FHIT: variants seen among roughly 807,000 people sequenced by gnomAD.
The protein encoded by FHIT is fragile histidine triad diadenosine triphosphatase, also known as bis(5'-adenosyl)-triphosphatase.
A neutral mutation model predicts 17.9 loss-of-function variants in FHIT; 19 were observed. The observed-to-expected ratio is 1.06, with a 90% CI of 0.74 to 1.56. The LOEUF (loss-of-function observed/expected upper bound fraction) is 1.56, where lower values mean the gene tolerates loss of function less well. Among genes scored for constraint, FHIT ranks in the 40% most tolerant of loss-of-function variants. The pLI is 0.00. For synonymous variants in FHIT, 81 were observed against 69.7 expected, an observed-to-expected ratio of 1.16 and a Z score of -0.81; for missense variants, 248 against 189.2, an observed-to-expected ratio of 1.31 and a Z score of -1.82.
rs1708921313 is a variant in FHIT at position 59,986,522 on chromosome 3, TATATATATATATATATATACACACAC to T, written c.279+24823_279+24848del. Among the ~76,000 whole-genome samples the T allele has an allele frequency of 7.4e-4, 4 of 5,388 alleles. 1 individual carries two copies. Among genetic ancestry groups the T allele is most frequent in the African/African-American group, 1.9e-3 (3 of 1,568 alleles). 3.5% of individuals were successfully genotyped at this position (5,388 alleles called of 152,430 possible). On this transcript the variant is annotated intron_variant, in intron 7 of 9. Transcript: ENST00000492590. ...AAATATATATATATATATATATATATATATATATATATATATATACACACACACACACACACACACACACACATATA... is the reference window on the plus strand; with the variant it reads ...AAATATATATATATATATATATATATACACACACACACACACACACATATA...
chr3:60,871,110 T>A (rs1351300085), intron 3 of FHIT, among the ~76,000 whole-genome samples: 2 of 152,194 alleles, frequency 1.3e-5, no homozygotes, highest in African/African-American at 2.4e-5. Flanking sequence ...TGCCTTTCTG[T>A]CCTTATCCAT....
intron 5 of FHIT, among the ~76,000 whole-genome samples, chr3:60,160,268 T>C (rs1353818460): frequency 6.6e-6 from 1 of 152,070 alleles, no homozygotes; most frequent in African/African-American, 2.4e-5. Context: ...GATTCCGAAG[T>C]GATGATGACA....
At chr3:60,743,499 G>A (rs77477030) in intron 4 of FHIT, among the ~76,000 whole-genome samples, 8,596 of 152,248 alleles carry the variant, frequency 0.056, 306 homozygotes, top group Non-Finnish European at 0.088. Flanking sequence ...AATGTGTTTT[G>A]TTTGGCCTGC....
intron 2 of FHIT, among the ~76,000 whole-genome samples, chr3:61,169,937 T>C (rs2037954280): frequency 6.6e-6 from 1 of 152,150 alleles, no homozygotes; most frequent in Non-Finnish European, 1.5e-5. Context: ...ACAGGATTCT[T>C]GCTAAAGGCA....
intron 5 of FHIT, among the ~76,000 whole-genome samples, chr3:60,149,892 G>C (rs1440793511): frequency 6.8e-6 from 1 of 146,782 alleles, no homozygotes; most frequent in Non-Finnish European, 1.5e-5. Context: ...TGAAAGAGTT[G>C]TAATGTCTAC....
chr3:60,491,471 C>A (rs1040597369), intron 5 of FHIT, among the ~76,000 whole-genome samples: 1 of 151,822 alleles, frequency 6.6e-6, no homozygotes, highest in Non-Finnish European at 1.5e-5. Context: ...TAGAAACAGT[C>A]CATCAGAATT....
At chr3:60,288,234 G>C (rs1056731862) in intron 5 of FHIT, among the ~76,000 whole-genome samples, 7 of 152,132 alleles carry the variant, frequency 4.6e-5, no homozygotes, top group African/African-American at 1.7e-4. Context: ...CCCAAAATGA[G>C]TAAGATTTTA....
chr3:59,849,655 A>T (rs1701857573), intron 8 of FHIT, among the ~76,000 whole-genome samples: 1 of 152,176 alleles, frequency 6.6e-6, no homozygotes, highest in Non-Finnish European at 1.5e-5. Flanking sequence ...GAAGAGATGA[A>T]ACAAGAGACA....
At chr3:60,360,788 T>C (rs375350764) in intron 5 of FHIT, among the ~76,000 whole-genome samples, 9 of 152,294 alleles carry the variant, frequency 5.9e-5, no homozygotes, top group African/African-American at 2.2e-4. Context: ...CGAGCCACCA[T>C]GTCTCCACTG....
chr3:60,644,012 C>T (rs2039791794), intron 4 of FHIT, among the ~76,000 whole-genome samples: 1 of 152,170 alleles, frequency 6.6e-6, no homozygotes, highest in Non-Finnish European at 1.5e-5. Flanking sequence ...TTACAACATA[C>T]ACTAACAGAG....
chr3:60,579,204 G>C (rs1368031967), intron 4 of FHIT, among the ~76,000 whole-genome samples: 3 of 152,070 alleles, frequency 2.0e-5, no homozygotes, highest in Non-Finnish European at 4.4e-5. Flanking sequence ...AACCTAGATA[G>C]GTATAGCCCA....
chr3:60,383,054 T>G (rs1451345094), intron 5 of FHIT, among the ~76,000 whole-genome samples: 1 of 152,190 alleles, frequency 6.6e-6, no homozygotes, highest in South Asian at 2.1e-4. Context: ...GTAGGCAGAT[T>G]AGCCATTATC....
chr3:60,003,361 G>C (rs888308811), intron 7 of FHIT, among the ~76,000 whole-genome samples: 1 of 152,050 alleles, frequency 6.6e-6, no homozygotes, highest in African/African-American at 2.4e-5. Context: ...ATAACTACTA[G>C]TCAAAAGTTT....
intron 3 of FHIT, among the ~76,000 whole-genome samples, chr3:60,963,897 T>C (rs1052842936): frequency 2.0e-5 from 3 of 152,222 alleles, no homozygotes; most frequent in African/African-American, 7.2e-5. Flanking sequence ...CTGAGAAGAA[T>C]GTATCTTCTG....
In FHIT at chr3:59,898,442, T is replaced by TTGTGTGTGTGTGTGTG. The variant is rs3075168; in HGVS notation, c.348+23888_348+23903dup. On this transcript the variant is annotated intron_variant, in intron 8 of 9. Transcript: ENST00000492590. Reference sequence around the variant, plus strand: ...TGTATATATGTGTGCGTGTGTATGTTTGTGTGTGTGTGTGTGTGTGTGTGT... The same window carrying TTGTGTGTGTGTGTGTG: ...TGTATATATGTGTGCGTGTGTATGTTTGTGTGTGTGTGTGTGTGTGTGTGTGTGTGTGTGTGTGTGT... Among the ~76,000 whole-genome samples, 224 of 145,948 alleles carry TTGTGTGTGTGTGTGTG rather than the reference T, an allele frequency of 1.5e-3. 1 individual carries two copies. Among genetic ancestry groups the TTGTGTGTGTGTGTGTG allele is most frequent in the Non-Finnish European group, 2.9e-3 (188 of 65,512 alleles).
intron 3 of FHIT, among the ~76,000 whole-genome samples, chr3:60,868,877 G>A (rs913974905): frequency 7.2e-5 from 11 of 152,126 alleles, no homozygotes; most frequent in Non-Finnish European, 1.5e-4. Context: ...TTGAAAATTC[G>A]TGAGTTTGAG....
At chr3:60,461,546 C>T (rs970893213) in intron 5 of FHIT, among the ~76,000 whole-genome samples, 1 of 152,148 alleles carries the variant, frequency 6.6e-6, no homozygotes, top group Admixed American at 6.5e-5. Context: ...TAGGCTATGC[C>T]GAAGCAGGAT....
chr3:59,994,715 G>C (rs1401614613), intron 7 of FHIT, among the ~76,000 whole-genome samples: 6 of 151,988 alleles, frequency 3.9e-5, no homozygotes, highest in African/African-American at 7.2e-5. Flanking sequence ...AAAGCTGTGT[G>C]GTACCAAATC....
chr3:60,230,437 C>T (rs1704436493), intron 5 of FHIT, among the ~76,000 whole-genome samples: 2 of 152,128 alleles, frequency 1.3e-5, no homozygotes, highest in Non-Finnish European at 2.9e-5. Context: ...TTAAAAATAA[C>T]ATTATCTGAT....
Sources: gnomAD v4.1 joint callset for allele counts (sites outside exome capture counted in the v4.1 genomes callset) on GRCh38, gnomAD v4.1.1 for gene constraint, MANE v1.5 for transcripts, NCBI Gene and HGNC (gene_info 2026-07-23, HGNC 2026-07-21) for gene names.